Variants in FAM222A observed in about 807,000 individuals in gnomAD.
FAM222A encodes the protein family with sequence similarity 222 member A.
In FAM222A, 7 loss-of-function variants were observed where a neutral mutation model predicts 25.8. That is an observed-to-expected ratio of 0.27 (90% confidence interval 0.15 to 0.51). FAM222A has a LOEUF of 0.51. FAM222A is among the 20% of genes least tolerant of loss of function. The pLI is 0.97. For missense variants in FAM222A, 573 were observed against 640.5 expected, an observed-to-expected ratio of 0.89 and a Z score of 1.14; for synonymous variants, 294 against 298.8, an observed-to-expected ratio of 0.98 and a Z score of 0.17.
At chr12:109,767,535 C>T (rs1484541548) in intron 2 of FAM222A, among the ~76,000 whole-genome samples, 1 of 152,164 alleles carries the variant, frequency 6.6e-6, no homozygotes, top group Non-Finnish European at 1.5e-5. Flanking sequence ...GGCATAGTCA[C>T]ACAACAAATA....
At chr12:109,730,082 A>G (rs1887917854) in intron 1 of FAM222A, among the ~76,000 whole-genome samples, 1 of 152,064 alleles carries the variant, frequency 6.6e-6, no homozygotes, top group Non-Finnish European at 1.5e-5. Flanking sequence ...TCTGCCTTCG[A>G]GGTCCCTCCT....
chr12:109,730,039 T>C (rs1887917005), intron 1 of FAM222A, among the ~76,000 whole-genome samples: 1 of 152,110 alleles, frequency 6.6e-6, no homozygotes, highest in Non-Finnish European at 1.5e-5. Context: ...CTGTGGCTCC[T>C]TCTTGCCTGT....
chr12:109,720,196 G>GGGCCCC, intron 1 of FAM222A: 1 of 985,432 alleles, frequency 1.0e-6, no homozygotes, highest in Non-Finnish European at 1.2e-6. Context: ...GGGGCCCTGG[G>GGGCCCC]GGCCCCTGCT....
chr12:109,743,952 TC>T, intron 1 of FAM222A, 148 bp from the exon 2 acceptor site: 1 of 1,402,136 alleles, frequency 7.1e-7, no homozygotes, highest in South Asian at 1.6e-5. Flanking sequence ...CAGGCCTTGG[TC>T]CCCTCATTGG....
intron 1 of FAM222A, among the ~76,000 whole-genome samples, chr12:109,727,241 G>C (rs912804972): frequency 1.3e-5 from 2 of 152,172 alleles, no homozygotes; most frequent in Non-Finnish European, 2.9e-5. Flanking sequence ...CCAGCAGAGT[G>C]GGGAGAGGGC....
rs1889119114 is a variant in FAM222A at position 109,768,288 on chromosome 12, G to A, written c.359G>A (p.Gly120Glu). The A allele has an allele frequency of 6.2e-7, 1 of 1,606,888 alleles. No individual in the cohort carries two copies. The highest frequency in any genetic ancestry group is 1.1e-5 in the South Asian group (1 of 90,224). The stretch of plus-strand genomic sequence containing the variant: ...TCCTCCAGCACGGCCGCACCAGCTG[G>A]GCCCGCCAAAAGTGTGCTCAAGAGC... ...VSSSSTAAPA[G>E]PAKSVLKSAE... is the part of the protein sequence containing the mutation. Residue 120 changes from glycine (G) to glutamate (E), a missense_variant, in exon 3 of 3, where the codon GGG (glycine) becomes GAG (glutamate). By Grantham distance (98) the Gly-to-Glu change is moderately conservative (BLOSUM62 -2). Around this residue, in one of 3 missense-constraint regions of FAM222A, gnomAD observed 412 missense variants for 407.0 expected, o/e 1.01. Transcript: ENST00000538780.
At chr12:109,724,963 C>T (rs958040170) in intron 1 of FAM222A, among the ~76,000 whole-genome samples, 5 of 152,066 alleles carry the variant, frequency 3.3e-5, no homozygotes, top group African/African-American at 4.8e-5. Context: ...TGTTGGCATC[C>T]GGAAACCACC....
At chr12:109,719,809 G>A (rs1343663955) in intron 1 of FAM222A, among the ~76,000 whole-genome samples, 1 of 152,104 alleles carries the variant, frequency 6.6e-6, no homozygotes. Context: ...TAAGGGTGCT[G>A]TGAGGCCCTG....
intron 1 of FAM222A, among the ~76,000 whole-genome samples, chr12:109,717,964 G>T (rs890636645): frequency 6.6e-6 from 1 of 152,196 alleles, no homozygotes; most frequent in Non-Finnish European, 1.5e-5. Flanking sequence ...CTCTGGCGTG[G>T]GTTGGGCCTG....
At chr12:109,763,232 TCCACCCTTTGCTGATTGCATGCTCTTGG>T (rs1888948575) in intron 2 of FAM222A, among the ~76,000 whole-genome samples, 1 of 152,248 alleles carries the variant, frequency 6.6e-6, no homozygotes, top group South Asian at 2.1e-4. Context: ...GAATCTCAGC[TCCACCCTTTGCTGATTGCATGCTCTTGG>T]GAGACTCTGA....
chr12:109,756,391 GC>G (rs1431093143), intron 2 of FAM222A, among the ~76,000 whole-genome samples: 27 of 77,956 alleles, frequency 3.5e-4, no homozygotes, highest in Admixed American at 2.6e-3. Flanking sequence ...TAATATGAAT[GC>G]TTTTTTTTTT....
chr12:109,768,780 A>T lies in FAM222A; in HGVS notation c.851A>T (p.Asp284Val). The T allele has an allele frequency of 6.3e-7, 1 of 1,579,694 alleles. No homozygotes were observed. The change falls in exon 3 of 3, where the codon GAT (aspartate) becomes GTT (valine). Residue 284 changes from aspartate (D) to valine (V), a missense_variant. Physicochemically the swap from Asp to Val is radical, Grantham distance 152 (BLOSUM62 -3). Coordinates refer to ENST00000538780, the MANE Select transcript of FAM222A (RefSeq NM_032829.3). ...GCAGGGTACGCAGACAGCGGCCTGG[A>T]TTACCTGCTGTGGCCGCAGAAACCG... is the stretch of plus-strand genomic sequence containing the variant. ...KPAGYADSGL[D>V]YLLWPQKPPP... is the part of the protein sequence containing the mutation.
intron 2 of FAM222A, among the ~76,000 whole-genome samples, chr12:109,767,698 T>C (rs1291126512): frequency 1.3e-5 from 2 of 152,136 alleles, no homozygotes; most frequent in African/African-American, 2.4e-5. Flanking sequence ...CAGTCCATGT[T>C]AGAAGTCAGG....
rs1410427220 is a variant in FAM222A at position 109,714,911 on chromosome 12, G to C, written c.-47+14G>C. 6.5e-6 allele frequency: 1 copy of C among 153,072 alleles called. No individual in the cohort carries two copies. The highest frequency in any genetic ancestry group is 1.5e-5 in the Non-Finnish European group (1 of 68,790). 9.5% of individuals were successfully genotyped at this position (153,072 alleles called of 1,614,324 possible). On this transcript the variant is annotated intron_variant, in intron 1 of 2. Coordinates refer to ENST00000538780, the MANE Select transcript of FAM222A (RefSeq NM_032829.3). The surrounding 1 kb of genome is among the most constrained non-coding windows in gnomAD (Gnocchi z 4.2). ...CTGGCTGATCCGGTGAGTTGTGCGGGGCGGGGTTCTGCGCTGGAGCTGGGG... is the reference window on the plus strand; with the variant it reads ...CTGGCTGATCCGGTGAGTTGTGCGGCGCGGGGTTCTGCGCTGGAGCTGGGG...
At chr12:109,766,964 C>T (rs562826816) in intron 2 of FAM222A, among the ~76,000 whole-genome samples, 6 of 151,864 alleles carry the variant, frequency 4.0e-5, no homozygotes, top group African/African-American at 1.2e-4. Flanking sequence ...GGCACAGTCA[C>T]AGCTCACTGT....
At chr12:109,749,455 C>T (rs1287493646) in intron 2 of FAM222A, among the ~76,000 whole-genome samples, 1 of 152,098 alleles carries the variant, frequency 6.6e-6, no homozygotes, top group Non-Finnish European at 1.5e-5. Flanking sequence ...ATCAGAGAAT[C>T]TTGTCTACTA....
chr12:109,728,112 C>T (rs764657149), intron 1 of FAM222A, among the ~76,000 whole-genome samples: 3 of 152,314 alleles, frequency 2.0e-5, no homozygotes, highest in East Asian at 1.9e-4. Flanking sequence ...TAAGCACACT[C>T]GGGCCACACA....
At chr12:109,729,526 T>A (rs1267413509) in intron 1 of FAM222A, among the ~76,000 whole-genome samples, 1 of 152,130 alleles carries the variant, frequency 6.6e-6, no homozygotes, top group Non-Finnish European at 1.5e-5. Context: ...ATAGCTATAA[T>A]CAGCAGCCTC....
intron 1 of FAM222A, among the ~76,000 whole-genome samples, chr12:109,730,904 C>T (rs1328997692): frequency 1.3e-5 from 2 of 152,196 alleles, no homozygotes; most frequent in African/African-American, 2.4e-5. Context: ...CACCCCTGAG[C>T]CCATCACTGT....
Sources: allele counts gnomAD v4.1 joint callset (sites outside exome capture counted in the v4.1 genomes callset), GRCh38; gene constraint gnomAD v4.1.1; regional missense constraint gnomAD v4.1.1; non-coding constraint Gnocchi (gnomAD v3.1); transcripts MANE v1.5; gene names NCBI Gene and HGNC (gene_info 2026-07-23, HGNC 2026-07-21).